The following DKK2 variants were observed in gnomAD, a reference collection of about 807,000 sequenced individuals.
DKK2 encodes the protein dickkopf Wnt signaling pathway inhibitor 2.
In DKK2, 11 loss-of-function variants were observed where a neutral mutation model predicts 28.1. The ratio of observed to expected loss-of-function variants is 0.39; its 90% CI spans 0.25 to 0.65. DKK2 has a LOEUF of 0.65. DKK2 is among the 30% of genes least tolerant of loss of function. The pLI is 0.47. For missense variants in DKK2, 326 were observed against 335.5 expected (o/e 0.97, Z 0.22); for synonymous variants, 135 against 126.5 (o/e 1.07, Z -0.45).
At chr4:107,014,081 T>A (rs1305691501) in intron 1 of DKK2, among the ~76,000 whole-genome samples, 1 of 151,486 alleles carries the variant, frequency 6.6e-6, no homozygotes, top group African/African-American at 2.4e-5. Context: ...AGTATGGAGT[T>A]CCCTCAGAAA....
chr4:107,004,212 C>T (rs1425509708), intron 1 of DKK2, among the ~76,000 whole-genome samples: 1 of 152,196 alleles, frequency 6.6e-6, no homozygotes, highest in African/African-American at 2.4e-5. Context: ...CAAAGTGCTT[C>T]TCATGCTGTG....
At chr4:106,972,466 G>A (rs1722881955) in intron 1 of DKK2, among the ~76,000 whole-genome samples, 1 of 150,216 alleles carries the variant, frequency 6.7e-6, no homozygotes, top group Admixed American at 6.7e-5. Flanking sequence ...TAAGTACAAA[G>A]TACTGTTAAA....
At chr4:107,016,340 C>T (rs1019346060) in intron 1 of DKK2, among the ~76,000 whole-genome samples, 2 of 151,846 alleles carry the variant, frequency 1.3e-5, no homozygotes, top group African/African-American at 4.8e-5. Flanking sequence ...TTAACAAATG[C>T]TACTTGGTAA....
intron 1 of DKK2, among the ~76,000 whole-genome samples, chr4:106,950,951 T>C (rs1489862956): frequency 6.6e-6 from 1 of 152,162 alleles, no homozygotes; most frequent in East Asian, 1.9e-4. Flanking sequence ...AAGTCTACCA[T>C]ATTCTGACTT....
chr4:106,932,290 T>C (rs1483713402), intron 1 of DKK2, among the ~76,000 whole-genome samples: 1 of 152,152 alleles, frequency 6.6e-6, no homozygotes, highest in Admixed American at 6.5e-5. Flanking sequence ...TCCATTAGCC[T>C]CTCCAATGTA....
intron 1 of DKK2, among the ~76,000 whole-genome samples, chr4:106,933,979 T>C (rs1724539412): frequency 6.6e-6 from 1 of 151,768 alleles, no homozygotes; most frequent in Non-Finnish European, 1.5e-5. Context: ...TGTGTGTGTG[T>C]GTGTGTGTAT....
chr4:107,033,745 A>T (rs905094238), intron 1 of DKK2, among the ~76,000 whole-genome samples: 1 of 152,164 alleles, frequency 6.6e-6, no homozygotes, highest in African/African-American at 2.4e-5. Context: ...TGAAGTCAGT[A>T]GCATTAGAGG....
intron 1 of DKK2, among the ~76,000 whole-genome samples, chr4:106,953,013 T>C (rs1020710990): frequency 4.6e-5 from 7 of 152,224 alleles, no homozygotes; most frequent in East Asian, 1.9e-4. Flanking sequence ...CAACATTCTC[T>C]TTTATCCATA....
At chr4:107,026,126 GTCCTGC>G (rs1251103951) in intron 1 of DKK2, among the ~76,000 whole-genome samples, 25 of 152,262 alleles carry the variant, frequency 1.6e-4, no homozygotes, top group African/African-American at 5.8e-4. Flanking sequence ...CCAGTTCTGT[GTCCTGC>G]TTTAGTCTGT....
At chr4:106,949,754 G>A (rs1724831130) in intron 1 of DKK2, among the ~76,000 whole-genome samples, 1 of 152,052 alleles carries the variant, frequency 6.6e-6, no homozygotes, top group African/African-American at 2.4e-5. Flanking sequence ...ACTTACCATA[G>A]CCCTGGATCT....
chr4:106,998,074 C>T (rs1457169090), intron 1 of DKK2, among the ~76,000 whole-genome samples: 1 of 152,128 alleles, frequency 6.6e-6, no homozygotes, highest in Non-Finnish European at 1.5e-5. Context: ...ATATGAAACA[C>T]CCTTTTTGTG....
At chr4:106,941,881 G>A (rs560928623) in intron 1 of DKK2, among the ~76,000 whole-genome samples, 1 of 152,170 alleles carries the variant, frequency 6.6e-6, no homozygotes, top group East Asian at 1.9e-4. Context: ...ATGACCACAT[G>A]TTATTTATTA....
chr4:106,975,181 A>G (rs1227043005), intron 1 of DKK2, among the ~76,000 whole-genome samples: 1 of 152,200 alleles, frequency 6.6e-6, no homozygotes, highest in African/African-American at 2.4e-5. Flanking sequence ...GATGTTCATC[A>G]GGGACATTGG....
At chr4:107,035,275 C>A in intron 1 of DKK2, 95 bp downstream of exon 1, 1 of 1,415,736 alleles carries the variant, frequency 7.1e-7, no homozygotes, top group East Asian at 2.4e-5. Context: ...TGGGGCCACG[C>A]TCCGAATGTT....
At position 106,922,439 on chromosome 4, in the gene DKK2, G is replaced by T. The variant is rs1467931680; in HGVS notation, c.*1515C>A. 6.6e-6 allele frequency: 1 copy of T among 152,208 alleles called. No individual in the cohort carries two copies. Among genetic ancestry groups the T allele is most frequent in the Non-Finnish European group, 1.5e-5 (1 of 68,042 alleles). The allele number at this position is 152,208 out of a possible 1,614,324, so 9.4% of individuals were successfully genotyped here. A position where few individuals can be genotyped will look rare whatever the true frequency, so the allele number is the denominator to read the frequency against. ...AGTGGTTTCAAAGAATTTAGAAACT[G>T]TGGTGTCTATAGATTAGCAATATGC... On this transcript the variant is annotated 3_prime_UTR_variant, in exon 4 of 4. Transcript: ENST00000285311.
At chr4:106,981,584 C>A (rs756051635) in intron 1 of DKK2, among the ~76,000 whole-genome samples, 4 of 152,070 alleles carry the variant, frequency 2.6e-5, no homozygotes, top group Non-Finnish European at 5.9e-5. Flanking sequence ...TTCTCTGAAC[C>A]AGAAGATCCT....
At chr4:106,931,862 G>A (rs780768536) in intron 1 of DKK2, among the ~76,000 whole-genome samples, 3 of 152,138 alleles carry the variant, frequency 2.0e-5, no homozygotes, top group Non-Finnish European at 4.4e-5. Context: ...ACCTTTGTGA[G>A]TTTAAGATGC....
At chr4:106,995,542 A>T (rs1423647709) in intron 1 of DKK2, among the ~76,000 whole-genome samples, 1 of 152,200 alleles carries the variant, frequency 6.6e-6, no homozygotes, top group Non-Finnish European at 1.5e-5. Context: ...ATCTTACATA[A>T]TGTAGGAGGA....
At chr4:107,017,946 C>T (rs1056662725) in intron 1 of DKK2, among the ~76,000 whole-genome samples, 2 of 151,932 alleles carry the variant, frequency 1.3e-5, no homozygotes, top group Non-Finnish European at 2.9e-5. Context: ...TTTGTTTGTT[C>T]GATTACTCTA....
Sources: gnomAD v4.1 joint callset for allele counts (sites outside exome capture counted in the v4.1 genomes callset) on GRCh38, gnomAD v4.1.1 for gene constraint, MANE v1.5 for transcripts, NCBI Gene and HGNC (gene_info 2026-07-23, HGNC 2026-07-21) for gene names.